CACNA2D3: variants seen among roughly 807,000 people sequenced by gnomAD.
The protein encoded by CACNA2D3 is calcium voltage-gated channel auxiliary subunit alpha2delta 3.
A neutral mutation model predicts 160.6 loss-of-function variants in CACNA2D3; 60 were observed. The ratio of observed to expected loss-of-function variants is 0.37; its 90% confidence interval spans 0.30 to 0.46. The LOEUF (loss-of-function observed/expected upper bound fraction) is 0.46. Ranked by LOEUF, CACNA2D3 falls within the 20% of genes least tolerant of loss-of-function variation. The probability of loss-of-function intolerance (pLI) is 1.00; values close to 1 mark genes in which losing one functional copy is unlikely to be tolerated. For missense variants in CACNA2D3, 1,205 were observed against 1,365.0 expected (o/e 0.88, Z 1.85); for synonymous variants, 558 against 492.9 (o/e 1.13, Z -1.75).
At chr3:55,026,789 C>A (rs892673823) in intron 35 of CACNA2D3, among the ~76,000 whole-genome samples, 1 of 152,140 alleles carries the variant, frequency 6.6e-6, no homozygotes, top group Non-Finnish European at 1.5e-5. Context: ...AGAACTAGTC[C>A]TTTGAAGGAC....
intron 13 of CACNA2D3, among the ~76,000 whole-genome samples, chr3:54,791,207 A>G (rs866933369): frequency 7.9e-5 from 12 of 152,198 alleles, no homozygotes; most frequent in African/African-American, 2.4e-4. Flanking sequence ...GGAATTTGCT[A>G]ACATCCGTGT....
At chr3:54,937,198 T>A (rs1701350996) in intron 27 of CACNA2D3, among the ~76,000 whole-genome samples, 1 of 152,178 alleles carries the variant, frequency 6.6e-6, no homozygotes, top group Non-Finnish European at 1.5e-5. Flanking sequence ...TCTTTCTTGA[T>A]GAAAGAAGTA....
chr3:54,960,122 C>CA (rs749650198), intron 27 of CACNA2D3, among the ~76,000 whole-genome samples: 3 of 150,990 alleles, frequency 2.0e-5, no homozygotes, highest in Non-Finnish European at 4.4e-5. Flanking sequence ...AATGTGTGGC[C>CA]AAATGGATCA....
At chr3:54,784,440 C>G (rs1009263682) in intron 13 of CACNA2D3, among the ~76,000 whole-genome samples, 1 of 147,696 alleles carries the variant, frequency 6.8e-6, no homozygotes, top group African/African-American at 2.5e-5. Flanking sequence ...CATTGTCAGA[C>G]TTTTTTTTTT....
At chr3:54,207,600 T>C (rs143772898) in intron 2 of CACNA2D3, among the ~76,000 whole-genome samples, 1 of 152,292 alleles carries the variant, frequency 6.6e-6, no homozygotes, top group Non-Finnish European at 1.5e-5. Context: ...AGATTCCAGG[T>C]AGCAGTCTTC....
chr3:54,936,839 G>A (rs551695004), intron 27 of CACNA2D3, among the ~76,000 whole-genome samples: 1 of 152,290 alleles, frequency 6.6e-6, no homozygotes, highest in Non-Finnish European at 1.5e-5. Flanking sequence ...TGTTCAACAA[G>A]CAAGCTCCTT....
intron 31 of CACNA2D3, among the ~76,000 whole-genome samples, chr3:54,994,364 T>C (rs1702810586): frequency 1.3e-5 from 2 of 152,330 alleles, no homozygotes. Context: ...ACAACTCATG[T>C]AATGAGTGTA....
chr3:54,513,892 C>T (rs568627940), intron 5 of CACNA2D3, among the ~76,000 whole-genome samples: 1 of 152,228 alleles, frequency 6.6e-6, no homozygotes, highest in South Asian at 2.1e-4. Flanking sequence ...AGGCTGGCCT[C>T]GAACTCCTGA....
chr3:54,562,790 T>C lies in CACNA2D3; in HGVS notation c.545-10T>C, dbSNP rs775003375. On this transcript the variant is annotated splice_polypyrimidine_tract_variant and intron_variant, in intron 5 of 37. Transcript: ENST00000474759. ...TAATACACCCCTCTCTCTCTCTTTC[T>C]TTTTTACAGACCCTGCAATTGTCAA... The C allele has an allele frequency of 6.2e-7, 1 of 1,609,108 alleles. No individual in the cohort carries two copies. The highest frequency in any genetic ancestry group is 8.5e-7 in the Non-Finnish European group (1 of 1,176,380).
intron 4 of CACNA2D3, among the ~76,000 whole-genome samples, chr3:54,421,644 T>G (rs1699838000): frequency 6.6e-6 from 1 of 152,092 alleles, no homozygotes; most frequent in African/African-American, 2.4e-5. Flanking sequence ...TGTTGTCATA[T>G]TTGCTTTTTC....
chr3:55,061,983 C>G (rs1382235114), intron 35 of CACNA2D3, among the ~76,000 whole-genome samples: 1 of 152,184 alleles, frequency 6.6e-6, no homozygotes, highest in Admixed American at 6.5e-5. Flanking sequence ...TCTTTGTTTT[C>G]TGAAAGTGGT....
At chr3:54,561,732 A>T (rs973308381) in intron 5 of CACNA2D3, among the ~76,000 whole-genome samples, 1 of 152,186 alleles carries the variant, frequency 6.6e-6, no homozygotes, top group Non-Finnish European at 1.5e-5. Context: ...CAGAAGAGCA[A>T]ATGATTGCCT....
Position 54,987,745 on chromosome 3 carries a change from C to CT in CACNA2D3, c.2685dup (p.Lys896Ter). On this transcript the variant is annotated frameshift_variant, in exon 31 of 38. Transcript: ENST00000474759. LOFTEE classifies it high-confidence loss of function. ...TGAACAAATTGCTAACAATGGGCTCCTTTAAAAGGTAAGGGTTTTATGGTC... is the reference window on the plus strand; with the variant it reads ...TGAACAAATTGCTAACAATGGGCTCCTTTTAAAAGGTAAGGGTTTTATGGTC... 1 of 1,606,038 alleles carries CT rather than the reference C, an allele frequency of 6.2e-7. No individual in the cohort carries two copies.
At chr3:54,556,635 A>G (rs1702246208) in intron 5 of CACNA2D3, among the ~76,000 whole-genome samples, 1 of 152,210 alleles carries the variant, frequency 6.6e-6, no homozygotes, top group African/African-American at 2.4e-5. Context: ...GTACAAGTCA[A>G]GGCTCAGATA....
chr3:54,312,533 C>A (rs1251041534), intron 2 of CACNA2D3, among the ~76,000 whole-genome samples: 1 of 152,136 alleles, frequency 6.6e-6, no homozygotes, highest in Non-Finnish European at 1.5e-5. Context: ...ACAATTCTCA[C>A]ATAGGAAAAA....
intron 4 of CACNA2D3, among the ~76,000 whole-genome samples, chr3:54,472,976 C>G (rs1335185876): frequency 6.6e-6 from 1 of 152,204 alleles, no homozygotes; most frequent in Non-Finnish European, 1.5e-5. Context: ...TTTATAGATT[C>G]AGCGCTGTCC....
chr3:54,854,656 G>C (rs1699127616), intron 17 of CACNA2D3, among the ~76,000 whole-genome samples: 1 of 152,266 alleles, frequency 6.6e-6, no homozygotes, highest in Admixed American at 6.5e-5. Context: ...TGAGAGCCCT[G>C]GGTGCCTTGC....
At chr3:54,512,534 C>T (rs1413712865) in intron 5 of CACNA2D3, among the ~76,000 whole-genome samples, 1 of 152,154 alleles carries the variant, frequency 6.6e-6, no homozygotes, top group African/African-American at 2.4e-5. Flanking sequence ...TTCTCCTGCA[C>T]CTTGGAAACC....
chr3:54,315,857 A>C (rs1371532957), intron 2 of CACNA2D3, among the ~76,000 whole-genome samples: 1 of 152,218 alleles, frequency 6.6e-6, no homozygotes, highest in Non-Finnish European at 1.5e-5. Context: ...AAAGAGTCTA[A>C]TTGGGACCAC....
Sources: allele counts gnomAD v4.1 joint callset (sites outside exome capture counted in the v4.1 genomes callset), GRCh38; gene constraint gnomAD v4.1.1; transcripts MANE v1.5; gene names NCBI Gene and HGNC (gene_info 2026-07-23, HGNC 2026-07-21).